Variants in PDZD2 observed in about 807,000 individuals in gnomAD.
PDZD2 encodes PDZ domain containing 2, also known as PDZ domain-containing protein 2.
A neutral mutation model predicts 220.7 loss-of-function variants in PDZD2; 90 were observed. That is an observed-to-expected ratio of 0.41 (90% CI 0.34 to 0.49). The LOEUF (loss-of-function observed/expected upper bound fraction) is 0.49. PDZD2 is among the 20% of genes least tolerant of loss of function. The probability of loss-of-function intolerance (pLI) is 0.28; values close to 1 mark genes in which losing one functional copy is unlikely to be tolerated. For synonymous variants in PDZD2, 1,375 were observed against 1,450.5 expected (o/e 0.95, Z 1.18); for missense variants, 3,174 against 3,608.5 (o/e 0.88, Z 3.08).
chr5:31,813,283 T>C (rs996743521), intron 2 of PDZD2, among the ~76,000 whole-genome samples: 1 of 151,926 alleles, frequency 6.6e-6, no homozygotes, highest in Non-Finnish European at 1.5e-5. Flanking sequence ...ACCCCGTCTC[T>C]ACTAAAAATA....
At position 31,708,670 on chromosome 5, in the gene PDZD2, A is replaced by G. The variant is rs73749476; in HGVS notation, c.-361+69233A>G. Among the ~76,000 whole-genome samples the G allele has an allele frequency of 8.1e-3, 1,237 of 152,278 alleles. 17 individuals carry two copies. Among genetic ancestry groups the G allele is most frequent in the African/African-American group, 0.028 (1,178 of 41,552 alleles). On this transcript the variant is annotated intron_variant, in intron 1 of 24. Coordinates refer to ENST00000438447, the MANE Select transcript of PDZD2 (RefSeq NM_178140.4). ...CAGGGAAGTAAAATTCACCCAGTCT[A>G]CATCATGAATGGAGCCCTCTAGAAT...
At chr5:31,710,006 G>A (rs1298980508) in intron 1 of PDZD2, among the ~76,000 whole-genome samples, 2 of 152,214 alleles carry the variant, frequency 1.3e-5, no homozygotes, top group African/African-American at 4.8e-5. Flanking sequence ...GGTTGAAAAG[G>A]AGCCACTTTT....
chr5:31,867,889 TGGGGCGGGGA>T (rs1738375416), intron 2 of PDZD2, among the ~76,000 whole-genome samples: 2 of 10,050 alleles, frequency 2.0e-4, no homozygotes, highest in Non-Finnish European at 3.9e-4. Context: ...AGGTGTGGGG[TGGGGCGGGGA>T]GGGGCGGGGC....
chr5:31,960,346 TA>T (rs138864437), intron 2 of PDZD2, among the ~76,000 whole-genome samples: 14,930 of 151,954 alleles, frequency 0.098, 853 homozygotes, highest in South Asian at 0.17. Flanking sequence ...GCCTCCTGAG[TA>T]GCTGGGATTA....
chr5:31,667,989 G>T (rs1312127658), intron 1 of PDZD2, among the ~76,000 whole-genome samples: 1 of 148,010 alleles, frequency 6.8e-6, no homozygotes, highest in African/African-American at 2.5e-5. Flanking sequence ...AGCCTCCCAA[G>T]TAGCTGGGAC....
intron 8 of PDZD2, among the ~76,000 whole-genome samples, 156 bp downstream of exon 8, chr5:32,048,840 A>C (rs1390838943): frequency 6.6e-6 from 1 of 152,212 alleles, no homozygotes; most frequent in Non-Finnish European, 1.5e-5. Context: ...GCTACAAAGA[A>C]GTCAGCCTAA....
intron 6 of PDZD2, among the ~76,000 whole-genome samples, chr5:32,016,716 C>T (rs1288298170): frequency 6.6e-6 from 1 of 152,182 alleles, no homozygotes; most frequent in East Asian, 1.9e-4. Context: ...GGGTCAAGAA[C>T]AGTCTGCCCT....
chr5:31,883,192 A>G (rs1740094217), intron 2 of PDZD2, among the ~76,000 whole-genome samples: 1 of 149,750 alleles, frequency 6.7e-6, no homozygotes, highest in African/African-American at 2.4e-5. Flanking sequence ...TTTGAGTGAA[A>G]TTATGAGTTT....
chr5:31,968,339 C>T (rs1748952710), intron 2 of PDZD2, among the ~76,000 whole-genome samples: 1 of 152,092 alleles, frequency 6.6e-6, no homozygotes, highest in African/African-American at 2.4e-5. Flanking sequence ...GCCTGGGCGA[C>T]AGAGTGAGAC....
intron 6 of PDZD2, among the ~76,000 whole-genome samples, chr5:32,016,388 G>T (rs780033596): frequency 6.6e-6 from 1 of 152,174 alleles, no homozygotes. Context: ...GGTTGACCTG[G>T]TTTTTTCTGG....
At chr5:31,667,526 A>G (rs1309671606) in intron 1 of PDZD2, among the ~76,000 whole-genome samples, 1 of 151,594 alleles carries the variant, frequency 6.6e-6, no homozygotes, top group Non-Finnish European at 1.5e-5. Context: ...GCTCTGAGAA[A>G]GTGACAATGA....
intron 2 of PDZD2, among the ~76,000 whole-genome samples, chr5:31,822,378 C>A (rs576085917): frequency 6.6e-5 from 10 of 151,130 alleles, no homozygotes; most frequent in African/African-American, 2.4e-4. Context: ...TCAAGTGATC[C>A]TCCCACCTCA....
At chr5:31,780,312 G>T (rs992496174) in intron 1 of PDZD2, among the ~76,000 whole-genome samples, 7 of 36,784 alleles carry the variant, frequency 1.9e-4, no homozygotes, top group South Asian at 1.2e-3. Context: ...TAAGGATGCC[G>T]GGGGGGCTTC....
intron 2 of PDZD2, among the ~76,000 whole-genome samples, chr5:31,809,917 A>C (rs1300367712): frequency 2.0e-5 from 3 of 152,184 alleles, no homozygotes; most frequent in Admixed American, 1.3e-4. Flanking sequence ...ACCTTTCTGA[A>C]TGGGGGCAGC....
rs760883414 is a variant in PDZD2, at chr5:32,087,151, C to T, written c.3703C>T (p.Leu1235Phe). ...CGTAGAACTGGACAGCTCCTCAGACCTCATCTCTTCCCCAGGGAAGAAGGG... is the reference window on the plus strand; with the variant it reads ...CGTAGAACTGGACAGCTCCTCAGACTTCATCTCTTCCCCAGGGAAGAAGGG... ...PMTELDSSSD[L>F]ISSPGKKGAA... Residue 1235 changes from leucine (L) to phenylalanine (F), a missense_variant, in exon 20 of 25, where the codon CTC (leucine) becomes TTC (phenylalanine). By Grantham distance (22) the Leu-to-Phe change is conservative. Transcript: ENST00000438447. This position sits in a 1 kb window ranked among gnomAD's most constrained non-coding sequence, Gnocchi z 4.0. The T allele has an allele frequency of 1.9e-6, 3 of 1,611,372 alleles. No individual in the cohort carries two copies. The highest frequency in any genetic ancestry group is 1.1e-5 in the South Asian group (1 of 90,974).
chr5:31,974,800 C>G (rs1374149104), intron 2 of PDZD2, among the ~76,000 whole-genome samples: 1 of 152,108 alleles, frequency 6.6e-6, no homozygotes. Flanking sequence ...ACCTGTAATG[C>G]CAGCACTTTG....
At chr5:31,920,506 TAAAAA>T (rs869254209) in intron 2 of PDZD2, among the ~76,000 whole-genome samples, 9 of 39,884 alleles carry the variant, frequency 2.3e-4, no homozygotes, top group Non-Finnish European at 3.4e-4. Flanking sequence ...GTTATATATT[TAAAAA>T]AAAAAAAAAA....
intron 1 of PDZD2, among the ~76,000 whole-genome samples, chr5:31,699,038 G>C (rs1273117918): frequency 6.6e-6 from 1 of 152,198 alleles, no homozygotes; most frequent in Admixed American, 6.5e-5. Context: ...AAGGCTGCTA[G>C]TTTTCCTCCA....
At chr5:31,882,998 C>T (rs1396106116) in intron 2 of PDZD2, among the ~76,000 whole-genome samples, 1 of 126,568 alleles carries the variant, frequency 7.9e-6, no homozygotes, top group African/African-American at 3.1e-5. Context: ...CCACTGCATT[C>T]CATCCTGGGT....
Sources: allele counts gnomAD v4.1 joint callset (sites outside exome capture counted in the v4.1 genomes callset), GRCh38; gene constraint gnomAD v4.1.1; non-coding constraint Gnocchi (gnomAD v3.1); transcripts MANE v1.5; gene names NCBI Gene and HGNC (gene_info 2026-07-23, HGNC 2026-07-21).